The following RBP4 variants were observed in gnomAD, a reference collection of about 807,000 sequenced individuals.
RBP4 encodes the protein retinol-binding protein 4.
RBP4 carries 9 observed loss-of-function variants against 26.2 expected under a neutral mutation model. The observed-to-expected ratio is 0.34, with a 90% confidence interval of 0.21 to 0.60. The LOEUF (loss-of-function observed/expected upper bound fraction) is 0.60, where lower values mean the gene tolerates loss of function less well. RBP4 is among the 20% of genes least tolerant of loss of function. RBP4 has a pLI of 0.80. For synonymous variants in RBP4, 114 were observed against 111.0 expected, an observed-to-expected ratio of 1.03 and a Z score of -0.17; for missense variants, 244 against 271.3, an observed-to-expected ratio of 0.90 and a Z score of 0.71.
upstream of RBP4, chr10:93,601,287 C>T: frequency 8.2e-7 from 1 of 1,215,286 alleles, no homozygotes; most frequent in Non-Finnish European, 1.0e-6. Context: ...GAGGGGGTCG[C>T]GCTTTCGTAA....
chr10:93,592,101 C>T lies in RBP4; in HGVS notation c.580G>A (p.Gly194Ser), dbSNP rs2058270485. ...RLIVHNGYCD[G>S]RSERNLL ...TACAAAAGGTTTCTTTCTGATCTGCCATCGCAGTAACCTGGAAAATACAAA... is the reference window on the plus strand; with the variant it reads ...TACAAAAGGTTTCTTTCTGATCTGCTATCGCAGTAACCTGGAAAATACAAA... Residue 194 changes from glycine (G) to serine (S), a missense_variant, in exon 6 of 6, where the codon GGC becomes AGC. Coordinates refer to ENST00000371464, the MANE Select transcript of RBP4 (RefSeq NM_006744.4). 6.2e-7 allele frequency: 1 copy of T among 1,614,018 alleles called. No individual in the cohort carries two copies. The highest frequency in any genetic ancestry group is 8.5e-7 in the Non-Finnish European group (1 of 1,180,012).
chr10:93,596,425 A>G (rs762306953), intron 4 of RBP4, among the ~76,000 whole-genome samples: 1 of 152,208 alleles, frequency 6.6e-6, no homozygotes, highest in Non-Finnish European at 1.5e-5. Flanking sequence ...TTTTAAGAGT[A>G]TTTGCAAGAG....
Position 93,601,206 on chromosome 10 carries a change from G to C in RBP4, c.-54C>G. Reference sequence around the variant, plus strand: ...GGAACCGCGCGCAAGCCTGGCCGCCGAGTCCGGGCGCGCGTGGAGCGAGGG... The same window carrying C: ...GGAACCGCGCGCAAGCCTGGCCGCCCAGTCCGGGCGCGCGTGGAGCGAGGG... On this transcript the variant is annotated 5_prime_UTR_variant, in exon 1 of 6. Coordinates refer to ENST00000371464, the MANE Select transcript of RBP4 (RefSeq NM_006744.4). 5 of 1,322,716 alleles carry C rather than the reference G, an allele frequency of 3.8e-6. No individual in the cohort carries two copies. Among genetic ancestry groups the C allele is most frequent in the Non-Finnish European group, 4.8e-6 (5 of 1,045,568 alleles). The allele number at this position is 1,322,716 out of a possible 1,614,324, so 81.9% of individuals were successfully genotyped here.
At chr10:93,601,694 G>A (rs2058340821), upstream of RBP4, 1 of 778,928 alleles carries the variant, frequency 1.3e-6, no homozygotes, top group African/African-American at 1.7e-5. Context: ...GTCCACTTGT[G>A]CAGGAATTTT....
upstream of RBP4, chr10:93,601,560 G>A: frequency 1.5e-6 from 1 of 668,122 alleles, no homozygotes; most frequent in Non-Finnish European, 2.7e-6. Context: ...CTGGCAGGAG[G>A]CTCGAGTCAA....
upstream of RBP4, chr10:93,601,438 C>T (rs1045280847): frequency 2.6e-4 from 314 of 1,201,760 alleles, 1 homozygote; most frequent in Middle Eastern, 3.2e-3. Context: ...GGAGCGGCCG[C>T]GCGGGGTGGC....
intron 5 of RBP4, among the ~76,000 whole-genome samples, chr10:93,593,482 A>T (rs2058280053): frequency 6.9e-6 from 1 of 145,492 alleles, no homozygotes; most frequent in Admixed American, 6.8e-5. Context: ...GCTCAATCCC[A>T]AACAATCTTA....
intron 5 of RBP4, among the ~76,000 whole-genome samples, chr10:93,592,366 G>A (rs576064979): frequency 5.5e-4 from 84 of 152,312 alleles, no homozygotes; most frequent in African/African-American, 1.9e-3. Context: ...GATGAACAGG[G>A]CTTCCTTTGA....
intron 4 of RBP4, 87 bp downstream of exon 4, chr10:93,600,306 G>C: frequency 8.8e-7 from 1 of 1,141,370 alleles, no homozygotes; most frequent in South Asian, 1.2e-5. Context: ...TTCTTCCTAA[G>C]GGTAGGTACC....
chr10:93,599,263 A>AAAT (rs771309680), intron 4 of RBP4, among the ~76,000 whole-genome samples: 11,562 of 150,928 alleles, frequency 0.077, 539 homozygotes, highest in Middle Eastern at 0.1. Flanking sequence ...AAAAATAATA[A>AAAT]TAAATTAAAA....
chr10:93,597,184 G>A (rs745722758), intron 4 of RBP4, among the ~76,000 whole-genome samples: 4 of 152,186 alleles, frequency 2.6e-5, no homozygotes, highest in Non-Finnish European at 2.9e-5. Context: ...AAGCACCCTA[G>A]TGTATTTAGA....
At chr10:93,600,539 G>T in intron 3 of RBP4, 40 bp from the exon 4 acceptor site, 1 of 1,613,154 alleles carries the variant, frequency 6.2e-7, no homozygotes, top group South Asian at 1.1e-5. Flanking sequence ...GCCGGGCAAA[G>T]GGCTTCCTCC....
rs201268813 is a variant in RBP4 at position 93,593,941 on chromosome 10, G to A, written c.450C>T (p.Ser150=). 6.2e-7 allele frequency: 1 copy of A among 1,614,082 alleles called. No homozygotes were observed. The highest frequency in any genetic ancestry group is 2.2e-5 in the East Asian group (1 of 44,866). The change falls in exon 5 of 6, where the codon AGC becomes AGT. Residue 150 remains serine (S), a synonymous_variant. Coordinates refer to ENST00000371464, the MANE Select transcript of RBP4 (RefSeq NM_006744.4). ...GGTCCCGGGAAAACACGAAGGAGTA[G>A]CTGTCAGCACAGGTGCCATCGAGGT... is the stretch of plus-strand genomic sequence containing the variant. ...LLNLDGTCAD[S]YSFVFSRDPN... is the part of the protein sequence containing the mutation.
intron 4 of RBP4, among the ~76,000 whole-genome samples, chr10:93,595,308 A>G (rs1297640151): frequency 6.6e-6 from 1 of 152,082 alleles, no homozygotes; most frequent in African/African-American, 2.4e-5. Flanking sequence ...TGTGCCAGTC[A>G]CTGTATGGAC....
chr10:93,601,309 G>C (rs2058338110), upstream of RBP4: 1 of 1,219,726 alleles, frequency 8.2e-7, no homozygotes, highest in Non-Finnish European at 1.0e-6. Context: ...CGCGCGGGGT[G>C]AAAGACCGAA....
chr10:93,596,300 C>G (rs2058302551), intron 4 of RBP4, among the ~76,000 whole-genome samples: 2 of 151,232 alleles, frequency 1.3e-5, no homozygotes, highest in Non-Finnish European at 2.9e-5. Flanking sequence ...AAATTGGCTA[C>G]TGTTCTTGAC....
At chr10:93,599,471 A>G (rs933548600) in intron 4 of RBP4, among the ~76,000 whole-genome samples, 2 of 152,122 alleles carry the variant, frequency 1.3e-5, no homozygotes, top group Non-Finnish European at 2.9e-5. Context: ...AATACTTTGC[A>G]AAAGCTGGTC....
chr10:93,597,812 G>C (rs2058311945), intron 4 of RBP4, among the ~76,000 whole-genome samples: 1 of 152,218 alleles, frequency 6.6e-6, no homozygotes, highest in South Asian at 2.1e-4. Context: ...GAGCAGGGGA[G>C]AGGCTGAGGA....
At chr10:93,599,408 A>G (rs2058321816) in intron 4 of RBP4, among the ~76,000 whole-genome samples, 1 of 152,202 alleles carries the variant, frequency 6.6e-6, no homozygotes, top group Non-Finnish European at 1.5e-5. Flanking sequence ...ATCACCGAGC[A>G]GAGAGAGTCT....
Sources: allele counts gnomAD v4.1 joint callset (sites outside exome capture counted in the v4.1 genomes callset), GRCh38; gene constraint gnomAD v4.1.1; transcripts MANE v1.5; gene names NCBI Gene and HGNC (gene_info 2026-07-23, HGNC 2026-07-21).